The following RORA variants were observed in gnomAD, a reference collection of about 807,000 sequenced individuals.
RORA encodes the protein RAR related orphan receptor A.
In RORA, 7 loss-of-function variants were observed where a neutral mutation model predicts 69.5. The observed-to-expected ratio is 0.10, with a 90% CI of 0.06 to 0.19. The LOEUF (loss-of-function observed/expected upper bound fraction) is 0.19, where lower values mean the gene tolerates loss of function less well. RORA is among the 10% of genes least tolerant of loss of function. RORA has a pLI of 1.00. For synonymous variants in RORA, 261 were observed against 240.8 expected, an observed-to-expected ratio of 1.08 and a Z score of -0.78; for missense variants, 457 against 663.0, an observed-to-expected ratio of 0.69 and a Z score of 3.41.
At chr15:61,078,907 T>G (rs1046337609) in intron 1 of RORA, among the ~76,000 whole-genome samples, 3 of 152,142 alleles carry the variant, frequency 2.0e-5, no homozygotes, top group African/African-American at 4.8e-5. Flanking sequence ...ATTTCTAAAC[T>G]TTATAACAGC....
rs189879198 is a variant in RORA at position 60,837,290 on chromosome 15, T to C, written c.167-158604A>G. ...TATTTCCTATGTTTGTGTCAATATA[T>C]CAAATTAGAAAAAGCAACTGACTAG... is the stretch of plus-strand genomic sequence containing the variant. On this transcript the variant is annotated intron_variant, in intron 1 of 10. Transcript: ENST00000335670. Among the ~76,000 whole-genome samples, 28 of 152,298 alleles carry C rather than the reference T, an allele frequency of 1.8e-4. No individual in the cohort carries two copies. In the East Asian group the frequency reaches 2.7e-3, roughly 15 times the overall value.
At chr15:60,982,665 G>A (rs1003201903) in intron 1 of RORA, among the ~76,000 whole-genome samples, 3 of 152,212 alleles carry the variant, frequency 2.0e-5, no homozygotes, top group Admixed American at 1.3e-4. Context: ...GGCTGCTGCT[G>A]AGCTGGGGAT....
At chr15:60,841,495 T>TG (rs1371735704) in intron 1 of RORA, among the ~76,000 whole-genome samples, 28 of 152,318 alleles carry the variant, frequency 1.8e-4, no homozygotes, top group Admixed American at 2.6e-4. Context: ...TCTCCTTTCT[T>TG]GGGGGCTGTA....
rs147044202 is a variant in RORA, at chr15:60,643,001, G to A, written c.196+35656C>T. Among the ~76,000 whole-genome samples, 177 of 152,094 alleles carry A rather than the reference G, an allele frequency of 1.2e-3. 1 individual carries two copies. Among genetic ancestry groups the A allele is most frequent in the African/African-American group, 4.0e-3 (168 of 41,504 alleles). On this transcript the variant is annotated intron_variant, in intron 2 of 10. Coordinates refer to ENST00000335670, the MANE Select transcript of RORA (RefSeq NM_134261.3). ...GCGAAACCCCACCTCTTTTAAAAAC[G>A]CAAAAATTAGTTGGGCCTGGTGAAG...
intron 3 of RORA, chr15:60,530,771 T>C (rs2066503150): frequency 1.3e-5 from 2 of 152,194 alleles, no homozygotes; most frequent in Non-Finnish European, 2.9e-5. Context: ...AATTCGTGGA[T>C]TTTATTTTTT....
At position 60,511,481 on chromosome 15, in the gene RORA, A is replaced by C; in HGVS notation, c.565T>G (p.Ser189Ala). The C allele has an allele frequency of 1.2e-6, 2 of 1,613,986 alleles. No individual in the cohort carries two copies. Among genetic ancestry groups the C allele is most frequent in the African/African-American group, 2.7e-5 (2 of 74,942 alleles). The change falls in exon 5 of 11, where the codon TCG (serine) becomes GCG (alanine). Residue 189 changes from serine (S) to alanine (A), a missense_variant. Around this residue, in one of 3 missense-constraint regions of RORA, gnomAD observed 304 missense variants for 447.4 expected, o/e 0.68. Coordinates refer to ENST00000335670, the MANE Select transcript of RORA (RefSeq NM_134261.3). The surrounding 1 kb of genome is among the most constrained non-coding windows in gnomAD (Gnocchi z 6.4). The part of the protein sequence containing the change: ...AEPLTPTYNI[S>A]ANGLTELHDD... ...TGAAGTTCCGTCAGCCCGTTGGCCG[A>C]GATGTTGTAGGTGGGCGTCAGCGGC... is the stretch of plus-strand genomic sequence containing the variant.
chr15:60,910,756 G>A (rs74755021), intron 1 of RORA, among the ~76,000 whole-genome samples: 2,483 of 152,176 alleles, frequency 0.016, 48 homozygotes, highest in South Asian at 0.062. Context: ...GCTTTTAAAG[G>A]TTAAAAGAGT....
chr15:60,958,521 C>T (rs184427468), intron 1 of RORA, among the ~76,000 whole-genome samples: 3 of 152,230 alleles, frequency 2.0e-5, no homozygotes, highest in East Asian at 3.9e-4. Flanking sequence ...GATGCTCATT[C>T]GATTATACCC....
At chr15:60,912,685 C>T (rs1009791394) in intron 1 of RORA, among the ~76,000 whole-genome samples, 6 of 152,208 alleles carry the variant, frequency 3.9e-5, no homozygotes, top group African/African-American at 1.2e-4. Context: ...ACCCGGGCGG[C>T]GGAGCTTGCA....
chr15:60,531,622 A>C lies in RORA; in HGVS notation c.282+144T>G, dbSNP rs962231727. 4 of 572,746 alleles carry C rather than the reference A, an allele frequency of 7.0e-6. No homozygotes were observed. In the Admixed American group the frequency reaches 1.2e-4, roughly 17 times the overall value. The allele number at this position is 572,746 out of a possible 1,614,324, so 35.5% of individuals were successfully genotyped here. ...ATAACTTCTTTAATTGTAATTTAAC[A>C]CCAAAATATTTCTTCTATCCTGTAA... is the stretch of plus-strand genomic sequence containing the variant. On this transcript the variant is annotated intron_variant, in intron 3 of 10. Transcript: ENST00000335670. This position sits in a 1 kb window ranked among gnomAD's most constrained non-coding sequence, Gnocchi z 4.8.
chr15:60,733,085 G>A (rs950848443), intron 1 of RORA, among the ~76,000 whole-genome samples: 21 of 152,176 alleles, frequency 1.4e-4, no homozygotes, highest in Admixed American at 1.2e-3. Context: ...TCCTCTGGAG[G>A]AATTCTGGCT....
chr15:60,701,534 TC>T (rs2070981488), intron 1 of RORA, among the ~76,000 whole-genome samples: 1 of 152,160 alleles, frequency 6.6e-6, no homozygotes, highest in Admixed American at 6.5e-5. Flanking sequence ...GCCTCTGCTC[TC>T]CCCTGTAACT....
chr15:61,046,279 A>C (rs1254322920), intron 1 of RORA, among the ~76,000 whole-genome samples: 1 of 152,216 alleles, frequency 6.6e-6, no homozygotes, highest in Non-Finnish European at 1.5e-5. Flanking sequence ...CACTGTACAC[A>C]CAGGATGGCC....
intron 2 of RORA, among the ~76,000 whole-genome samples, chr15:60,640,626 AT>A (rs1029859306): frequency 2.0e-5 from 3 of 150,366 alleles, no homozygotes; most frequent in African/African-American, 4.9e-5. Flanking sequence ...CTTCTATAAA[AT>A]TTTTTTTTTC....
At chr15:60,521,954 C>T (rs897119753) in intron 3 of RORA, among the ~76,000 whole-genome samples, 3 of 152,068 alleles carry the variant, frequency 2.0e-5, no homozygotes, top group East Asian at 3.9e-4. Flanking sequence ...ATTCTATTCC[C>T]TAATACTTTT....
chr15:61,038,745 T>A (rs1409412325), intron 1 of RORA: 1 of 152,248 alleles, frequency 6.6e-6, no homozygotes, highest in Non-Finnish European at 1.5e-5. Context: ...ATAATTGTTA[T>A]GATACTGATG....
At chr15:61,198,297 C>T (rs1396253060) in intron 1 of RORA, among the ~76,000 whole-genome samples, 7 of 152,042 alleles carry the variant, frequency 4.6e-5, no homozygotes, top group Non-Finnish European at 1.0e-4. Context: ...TAAAATAAAC[C>T]ATTGTAACAT....
chr15:60,579,602 G>A (rs1408258959), intron 2 of RORA, among the ~76,000 whole-genome samples: 1 of 152,110 alleles, frequency 6.6e-6, no homozygotes, highest in Non-Finnish European at 1.5e-5. Context: ...GAAAACTATT[G>A]AACTACCATG....
At chr15:60,793,781 A>G (rs993367909) in intron 1 of RORA, among the ~76,000 whole-genome samples, 1 of 152,206 alleles carries the variant, frequency 6.6e-6, no homozygotes, top group African/African-American at 2.4e-5. Flanking sequence ...GATGGACTTA[A>G]GCCAGGCTAG....
Sources: gnomAD v4.1 joint callset for allele counts (sites outside exome capture counted in the v4.1 genomes callset) on GRCh38, gnomAD v4.1.1 for gene constraint, gnomAD v4.1.1 regional missense constraint, Gnocchi (gnomAD v3.1) non-coding constraint, MANE v1.5 for transcripts, NCBI Gene and HGNC (gene_info 2026-07-23, HGNC 2026-07-21) for gene names.